Variants in PIP4K2C observed in about 807,000 individuals in gnomAD.
PIP4K2C encodes the protein phosphatidylinositol 5-phosphate 4-kinase type-2 gamma.
In PIP4K2C, 21 loss-of-function variants were observed where a neutral mutation model predicts 45.0. That is an observed-to-expected ratio of 0.47 (90% CI 0.33 to 0.67). The LOEUF is 0.67. Ranked by LOEUF, PIP4K2C falls within the 30% of genes least tolerant of loss-of-function variation. PIP4K2C has a pLI of 0.02. For missense variants in PIP4K2C, 456 were observed against 542.8 expected (o/e 0.84, Z 1.59); for synonymous variants, 201 against 204.8 (o/e 0.98, Z 0.16).
At position 57,591,233 on chromosome 12, in the gene PIP4K2C, C is replaced by T. The variant is rs1207952122; in HGVS notation, c.-57C>T. On this transcript the variant is annotated 5_prime_UTR_variant, in exon 1 of 10. Transcript: ENST00000354947. ...CGCAGGTGAGCGCCGCTTCCGGGGT[C>T]GGGCGCCTGGATAGCTGCCGGCTCC... 3.3e-6 allele frequency: 5 copies of T among 1,530,406 alleles called. No individual in the cohort carries two copies. The highest frequency in any genetic ancestry group is 4.4e-6 in the Non-Finnish European group (5 of 1,131,318). 94.8% of individuals were successfully genotyped at this position (1,530,406 alleles called of 1,614,324 possible). A position where few individuals can be genotyped will look rare whatever the true frequency, so the allele number is the denominator to read the frequency against.
intron 6 of PIP4K2C, among the ~76,000 whole-genome samples, chr12:57,599,849 T>C (rs1883350198): frequency 6.6e-6 from 1 of 151,916 alleles, no homozygotes; most frequent in Non-Finnish European, 1.5e-5. Context: ...AGCCCAGGAG[T>C]TCCAGACCAG....
In PIP4K2C at chr12:57,599,134, A is replaced by G; in HGVS notation, c.583A>G (p.Asn195Asp). The change falls in exon 5 of 10, where the codon AAC becomes GAC. Residue 195 changes from asparagine (N) to aspartate (D), a missense_variant. By Grantham distance (23) the Asn-to-Asp change is conservative. Transcript: ENST00000354947. ...FLGMYRVSVD[N>D]EDSYMLVMRN... ...GGGGATGTACCGAGTCAGTGTGGAC[A>G]ACGAAGACAGCTACATGCTTGTGAT... 1 of 1,614,220 alleles carries G rather than the reference A, an allele frequency of 6.2e-7. No homozygotes were observed. Among genetic ancestry groups the G allele is most frequent in the Non-Finnish European group, 8.5e-7 (1 of 1,180,028 alleles).
Position 57,599,165 on chromosome 12 carries a change from A to G in PIP4K2C, c.614A>G (p.Asn205Ser). ...NEDSYMLVMRNMFSHRLPVHR... is the reference protein window; with the variant it reads ...NEDSYMLVMRSMFSHRLPVHR... ...GACAGCTACATGCTTGTGATGCGCA[A>G]TATGTTTAGCCACCGTCTTCCTGTG... is the stretch of plus-strand genomic sequence containing the variant. The change falls in exon 5 of 10, where the codon AAT (asparagine) becomes AGT (serine). Residue 205 changes from asparagine to serine, a missense_variant. This residue lies in a region of PIP4K2C where 421 missense variants were observed against 473.1 expected (regional missense o/e 0.89). Coordinates refer to ENST00000354947, the MANE Select transcript of PIP4K2C (RefSeq NM_024779.5). The G allele has an allele frequency of 1.2e-6, 2 of 1,614,196 alleles. No individual in the cohort carries two copies. The highest frequency in any genetic ancestry group is 1.7e-6 in the Non-Finnish European group (2 of 1,180,022).
At position 57,601,368 on chromosome 12, in the gene PIP4K2C, T is replaced by A. The variant is rs768245089; in HGVS notation, c.1185+20T>A. ...CATGGGGTGAGAGTTCGCAAAAGCC[T>A]TTCCTTTCCTGTCTTGACTATTCTT... On this transcript the variant is annotated intron_variant, in intron 9 of 9. Coordinates refer to ENST00000354947, the MANE Select transcript of PIP4K2C (RefSeq NM_024779.5). The A allele has an allele frequency of 1.3e-5, 21 of 1,591,464 alleles. No individual in the cohort carries two copies. In the East Asian group the frequency reaches 3.4e-4, roughly 25 times the overall value.
At chr12:57,593,919 G>T in intron 1 of PIP4K2C, 106 bp from the exon 2 acceptor site, 2 of 689,838 alleles carry the variant, frequency 2.9e-6, no homozygotes, top group South Asian at 3.8e-5. Flanking sequence ...GTTTTTAAAG[G>T]AATGAGGTCT....
Position 57,600,971 on chromosome 12 carries a change from A to G in PIP4K2C, c.974A>G (p.Tyr325Cys), listed in dbSNP as rs753747468. 46 of 1,614,082 alleles carry G rather than the reference A, an allele frequency of 2.8e-5. No individual in the cohort carries two copies. In the East Asian group the frequency reaches 2.9e-4, roughly 10 times the overall value. The change falls in exon 8 of 10, where the codon TAT becomes TGT. Residue 325 changes from tyrosine to cysteine, a missense_variant. Around this residue, in one of 2 missense-constraint regions of PIP4K2C, gnomAD observed 421 missense variants for 473.1 expected, o/e 0.89. Coordinates refer to ENST00000354947, the MANE Select transcript of PIP4K2C (RefSeq NM_024779.5). The stretch of plus-strand genomic sequence containing the variant: ...GGACCTCCTGCTCTGGTGGGCTCCT[A>G]TGGCACCTCCCCAGAGGGTATCGGA... ...LTGPPALVGS[Y>C]GTSPEGIGGY...
At chr12:57,594,868 G>A (rs944237117) in intron 2 of PIP4K2C, among the ~76,000 whole-genome samples, 2 of 152,166 alleles carry the variant, frequency 1.3e-5, no homozygotes, top group Non-Finnish European at 2.9e-5. Flanking sequence ...TACTTGGGAG[G>A]CTGAGGCAGG....
At chr12:57,594,934 C>T (rs778997792) in intron 2 of PIP4K2C, among the ~76,000 whole-genome samples, 192 bp from the exon 3 acceptor site, 28 of 152,012 alleles carry the variant, frequency 1.8e-4, no homozygotes, top group African/African-American at 6.3e-4. Context: ...TGCACCACTG[C>T]AGTCCAACCT....
intron 7 of PIP4K2C, 24 bp downstream of exon 7, chr12:57,600,461 A>C (rs370371668): frequency 6.6e-7 from 1 of 1,518,314 alleles, no homozygotes; most frequent in African/African-American, 1.4e-5. Context: ...GCTCTGGGAA[A>C]TGGCTTTCCT....
At position 57,600,482 on chromosome 12, in the gene PIP4K2C, C is replaced by T. The variant is rs1438798323; in HGVS notation, c.813+45C>T. On this transcript the variant is annotated intron_variant, in intron 7 of 9. Transcript: ENST00000354947. Reference sequence around the variant, plus strand: ...GGAAATGGCTTTCCTTTTTTTGCTCCCTAGAGGGTAGTTGTCTCTTTCATT... The same window carrying T: ...GGAAATGGCTTTCCTTTTTTTGCTCTCTAGAGGGTAGTTGTCTCTTTCATT... 3.0e-6 allele frequency: 4 copies of T among 1,325,446 alleles called. No homozygotes were observed. In the East Asian group the frequency reaches 9.2e-5, roughly 31 times the overall value. The allele number at this position is 1,325,446 out of a possible 1,614,324, so 82.1% of individuals were successfully genotyped here.
chr12:57,598,479 G>A (rs1397931103), intron 4 of PIP4K2C, among the ~76,000 whole-genome samples: 1 of 137,578 alleles, frequency 7.3e-6, no homozygotes, highest in African/African-American at 2.7e-5. Flanking sequence ...AGCCTAGATT[G>A]TGCCACTGCA....
At position 57,603,097 on chromosome 12, in the gene PIP4K2C, C is replaced by G. The variant is rs1594945748; in HGVS notation, c.*1491C>G. On this transcript the variant is annotated 3_prime_UTR_variant, in exon 10 of 10. Coordinates refer to ENST00000354947, the MANE Select transcript of PIP4K2C (RefSeq NM_024779.5). The stretch of plus-strand genomic sequence containing the variant: ...GGGAGAAGCTCCCTCTCCCCTTCAT[C>G]TTCTGCTCCAAAGGTGGTAGCAAGA... The G allele has an allele frequency of 6.6e-6, 1 of 152,666 alleles. No homozygotes were observed. The highest frequency in any genetic ancestry group is 3.4e-3 in the Middle Eastern group (1 of 294). 9.5% of individuals were successfully genotyped at this position (152,666 alleles called of 1,614,324 possible).
chr12:57,594,131 T>A lies in PIP4K2C; in HGVS notation c.272+9T>A. ...AATCACCTTTTCCACAGGTAAGTGATGATCCTTGCCATTCTCATGTCAACC... is the reference window on the plus strand; with the variant it reads ...AATCACCTTTTCCACAGGTAAGTGAAGATCCTTGCCATTCTCATGTCAACC... On this transcript the variant is annotated intron_variant, in intron 2 of 9. Coordinates refer to ENST00000354947, the MANE Select transcript of PIP4K2C (RefSeq NM_024779.5). 6.2e-7 allele frequency: 1 copy of A among 1,603,554 alleles called. No individual in the cohort carries two copies. The highest frequency in any genetic ancestry group is 8.5e-7 in the Non-Finnish European group (1 of 1,173,202).
In PIP4K2C at chr12:57,601,240, C is replaced by G. The variant is rs745437494; in HGVS notation, c.1082-5C>G. The G allele has an allele frequency of 1.2e-6, 2 of 1,610,366 alleles. No individual in the cohort carries two copies. Among genetic ancestry groups the G allele is most frequent in the South Asian group, 2.2e-5 (2 of 90,756 alleles). On this transcript the variant is annotated splice_polypyrimidine_tract_variant and splice_region_variant and intron_variant, in intron 8 of 9. Transcript: ENST00000354947. ...CCTACTCTGAATTGTTGGTCTCTCT[C>G]CCAGGAGCCCCCCAGAAGGAGGTCT...
intron 7 of PIP4K2C, 110 bp downstream of exon 7, chr12:57,600,547 A>G: frequency 1.2e-6 from 1 of 838,764 alleles, no homozygotes; most frequent in Non-Finnish European, 1.9e-6. Context: ...TTTATTCTTC[A>G]GGTCCTCTGC....
intron 6 of PIP4K2C, 30 bp downstream of exon 6, chr12:57,599,468 G>A (rs377296656): frequency 9.9e-6 from 16 of 1,612,488 alleles, no homozygotes; most frequent in Middle Eastern, 1.6e-4. Flanking sequence ...CTAGGGTGAG[G>A]GATGAGGGAT....
rs199510992 is a variant in PIP4K2C, at chr12:57,591,308, C to G, written c.19C>G (p.Pro7Ala). 20 of 1,612,282 alleles carry G rather than the reference C, an allele frequency of 1.2e-5. 1 individual carries two copies. Among genetic ancestry groups the G allele is most frequent in the Non-Finnish European group, 2.5e-6 (3 of 1,179,068 alleles). The change falls in exon 1 of 10, where the codon CCA becomes GCA. Residue 7 changes from proline (P) to alanine (A), a missense_variant. Coordinates refer to ENST00000354947, the MANE Select transcript of PIP4K2C (RefSeq NM_024779.5). ...GGAGACTATGGCGTCCTCCTCGGTC[C>G]CACCAGCCACGGTATCGGCGGCGAC... Reference protein sequence around the residue: MASSSVPPATVSAATAG... With the variant: MASSSVAPATVSAATAG...
At chr12:57,595,035 G>T (rs1883127525) in intron 2 of PIP4K2C, 91 bp from the exon 3 acceptor site, 2 of 767,818 alleles carry the variant, frequency 2.6e-6, no homozygotes, top group Admixed American at 4.2e-5. Flanking sequence ...AGAATCAAAT[G>T]AGGTAATATG....
In PIP4K2C at chr12:57,601,753, C is replaced by T; in HGVS notation, c.*147C>T. 7 of 688,002 alleles carry T rather than the reference C, an allele frequency of 1.0e-5. No homozygotes were observed. The highest frequency in any genetic ancestry group is 5.1e-5 in the East Asian group (2 of 39,098). 42.6% of individuals were successfully genotyped at this position (688,002 alleles called of 1,614,324 possible). ...TTCCATCCAGATAACTCCATCCTGT[C>T]GAGTAGGCTCTTTCTGACCCTCAGA... On this transcript the variant is annotated 3_prime_UTR_variant, in exon 10 of 10. Coordinates refer to ENST00000354947, the MANE Select transcript of PIP4K2C (RefSeq NM_024779.5).
Sources: gnomAD v4.1 joint callset for allele counts (sites outside exome capture counted in the v4.1 genomes callset) on GRCh38, gnomAD v4.1.1 for gene constraint, gnomAD v4.1.1 regional missense constraint, MANE v1.5 for transcripts, NCBI Gene and HGNC (gene_info 2026-07-23, HGNC 2026-07-21) for gene names.